The following CD226 variants were observed in gnomAD, a reference collection of about 807,000 sequenced individuals.
The protein encoded by CD226 is CD226 molecule.
Under a neutral mutation model 34.9 loss-of-function variants are expected in CD226, and 24 were observed. That is an observed-to-expected ratio of 0.69 (90% CI 0.50 to 0.97). CD226 has a LOEUF of 0.97. Among genes scored for constraint, CD226 ranks in the 50% least tolerant of loss-of-function variants. The probability of loss-of-function intolerance (pLI) is 0.00; values close to 1 mark genes in which losing one functional copy is unlikely to be tolerated. For synonymous variants in CD226, 148 were observed against 147.4 expected (o/e 1.00, Z -0.03); for missense variants, 397 against 412.7 (o/e 0.96, Z 0.33).
intron 3 of CD226, among the ~76,000 whole-genome samples, chr18:69,879,475 C>T (rs527632205): frequency 6.6e-5 from 10 of 152,140 alleles, no homozygotes; most frequent in South Asian, 2.1e-4. Context: ...TACCCATTTT[C>T]GATAATAAGA....
chr18:69,911,138 T>C (rs1472824631), intron 2 of CD226, among the ~76,000 whole-genome samples: 1 of 152,216 alleles, frequency 6.6e-6, no homozygotes, highest in African/African-American at 2.4e-5. Context: ...AGTATAAATT[T>C]CTCTGTCTTC....
chr18:69,860,096 T>C lies in CD226; in HGVS notation c.*4218A>G, dbSNP rs562265156. On this transcript the variant is annotated 3_prime_UTR_variant, in exon 6 of 6. Coordinates refer to ENST00000582621, the MANE Select transcript of CD226 (RefSeq NM_001303618.2). ...TCAAAAAAATAATAATAAAATAAAA[T>C]ACAAAGAACATTGCATTGAGATAAA... The C allele has an allele frequency of 2.6e-5, 4 of 152,232 alleles. No homozygotes were observed. The South Asian group carries it at 8.3e-4, about 32-fold the overall frequency. The allele number at this position is 152,232 out of a possible 1,614,324, so 9.4% of individuals were successfully genotyped here. A position where few individuals can be genotyped will look rare whatever the true frequency, so the allele number is the denominator to read the frequency against.
chr18:69,958,694 A>T (rs1224291028), upstream of CD226, among the ~76,000 whole-genome samples: 1 of 151,206 alleles, frequency 6.6e-6, no homozygotes, highest in Non-Finnish European at 1.5e-5. Flanking sequence ...TCTTTTGCTT[A>T]CTCCCTGACT....
intron 4 of CD226, among the ~76,000 whole-genome samples, chr18:69,870,262 T>A (rs1983430559): frequency 6.7e-6 from 1 of 150,324 alleles, no homozygotes; most frequent in Non-Finnish European, 1.5e-5. Context: ...AGAACACAGT[T>A]TGGCTCCCCC....
intron 2 of CD226, among the ~76,000 whole-genome samples, chr18:69,941,830 CA>C (rs1291785928): frequency 6.6e-6 from 1 of 152,014 alleles, no homozygotes; most frequent in Non-Finnish European, 1.5e-5. Context: ...TCAGAGGGGC[CA>C]GGGGCAAAAT....
intron 2 of CD226, among the ~76,000 whole-genome samples, chr18:69,928,844 C>G (rs1283099731): frequency 6.6e-6 from 1 of 152,070 alleles, no homozygotes; most frequent in Non-Finnish European, 1.5e-5. Context: ...AAGGCACAAG[C>G]AAAAATATCT....
At position 69,887,401 on chromosome 18, in the gene CD226, A is replaced by G. The variant is rs529747082; in HGVS notation, c.727+8300T>C. On this transcript the variant is annotated intron_variant, in intron 3 of 5. Transcript: ENST00000582621. ...CCACATAAGATGTGAAAAACTGAAG[A>G]CACAGTGACATCAGGATAACTATAC... Among the ~76,000 whole-genome samples, 3 of 152,326 alleles carry G rather than the reference A, an allele frequency of 2.0e-5. No individual in the cohort carries two copies. The East Asian group carries it at 5.8e-4, about 29-fold the overall frequency.
rs117051749 is a variant in CD226, at chr18:69,925,619, A to T, written c.382+21115T>A. On this transcript the variant is annotated intron_variant, in intron 2 of 5. Transcript: ENST00000582621. ...ATCCCGTCAACTCTACCTTTTAAAC[A>T]TCTCTCAAACATGGACCCTACACTC... Among the ~76,000 whole-genome samples, 469 of 152,060 alleles carry T rather than the reference A, an allele frequency of 3.1e-3. 4 individuals carry two copies. Among genetic ancestry groups the T allele is most frequent in the Admixed American group, 6.2e-3 (94 of 15,284 alleles).
intron 3 of CD226, among the ~76,000 whole-genome samples, chr18:69,874,203 G>A (rs72955835): frequency 0.027 from 4,137 of 152,248 alleles, 93 homozygotes; most frequent in Non-Finnish European, 0.035. Context: ...TTACATCACA[G>A]AATTGTGATG....
chr18:69,955,600 G>A (rs972432578), intron 1 of CD226, among the ~76,000 whole-genome samples: 6 of 152,130 alleles, frequency 3.9e-5, no homozygotes, highest in African/African-American at 1.4e-4. Flanking sequence ...GGGTGCGGTG[G>A]CTCACGCCTG....
chr18:69,912,607 G>C (rs1303927195), intron 2 of CD226, among the ~76,000 whole-genome samples: 1 of 152,170 alleles, frequency 6.6e-6, no homozygotes, highest in African/African-American at 2.4e-5. Flanking sequence ...GATTTGCTCA[G>C]GGATTTGGCT....
At chr18:69,952,333 A>T (rs964975578), upstream of CD226, among the ~76,000 whole-genome samples, 20 of 152,358 alleles carry the variant, frequency 1.3e-4, no homozygotes, top group Non-Finnish European at 2.5e-4. Flanking sequence ...AACATATATT[A>T]TTCAGGTGAT....
chr18:69,923,523 G>A (rs1464609632), intron 2 of CD226, among the ~76,000 whole-genome samples: 1 of 152,114 alleles, frequency 6.6e-6, no homozygotes, highest in African/African-American at 2.4e-5. Flanking sequence ...TCTGAGAACT[G>A]ACCAATGGAA....
chr18:69,903,466 T>C (rs774260034), intron 2 of CD226, among the ~76,000 whole-genome samples: 1 of 152,136 alleles, frequency 6.6e-6, no homozygotes, highest in Admixed American at 6.5e-5. Flanking sequence ...AGTTTGGGGA[T>C]GTTACAGGTG....
At chr18:69,884,455 T>C (rs1042163528) in intron 3 of CD226, among the ~76,000 whole-genome samples, 25 of 152,232 alleles carry the variant, frequency 1.6e-4, no homozygotes, top group Non-Finnish European at 1.3e-4. Context: ...TTTAGAAAAC[T>C]TGTAATTGGC....
chr18:69,958,020 T>G (rs926587653), upstream of CD226, among the ~76,000 whole-genome samples: 11 of 152,192 alleles, frequency 7.2e-5, no homozygotes, highest in African/African-American at 2.4e-4. Context: ...GGGCAGGGCC[T>G]TTGCACGTGG....
intron 2 of CD226, among the ~76,000 whole-genome samples, chr18:69,932,053 A>C (rs11659873): frequency 0.77 from 117,402 of 152,164 alleles, 52,134 homozygotes; most frequent in East Asian, 1. Flanking sequence ...ATATTGGATT[A>C]GATCCCACCC....
Position 69,954,350 on chromosome 18 carries a change from G to T in CD226, c.-28+2405C>A, listed in dbSNP as rs1338673053. 3.3e-5 allele frequency among the ~76,000 whole-genome samples: 5 copies of T among 152,336 alleles called. 1 individual carries two copies. In the South Asian group the frequency reaches 1.0e-3, roughly 32 times the overall value. On this transcript the variant is annotated intron_variant, in intron 1 of 6. Coordinates refer to the CD226 transcript ENST00000280200. The stretch of plus-strand genomic sequence containing the variant: ...AAGATCATGATAGTCGAGGTTGTCA[G>T]ATAAATGATTTAAGATATTTTTAAA...
Position 69,861,422 on chromosome 18 carries a change from T to C in CD226, c.*2892A>G, listed in dbSNP as rs1982808196. 1 of 151,070 alleles carries C rather than the reference T, an allele frequency of 6.6e-6. No individual in the cohort carries two copies. Among genetic ancestry groups the C allele is most frequent in the African/African-American group, 2.4e-5 (1 of 41,298 alleles). The allele number at this position is 151,070 out of a possible 1,614,324, so 9.4% of individuals were successfully genotyped here. On this transcript the variant is annotated 3_prime_UTR_variant, in exon 6 of 6. Transcript: ENST00000582621. ...CAAAACTGTGTACTCCATTAACAAG[T>C]CTTCCTATCTTATTATAACAAAGTA... is the stretch of plus-strand genomic sequence containing the variant.
Sources: gnomAD v4.1 joint callset for allele counts (sites outside exome capture counted in the v4.1 genomes callset) on GRCh38, gnomAD v4.1.1 for gene constraint, MANE v1.5 for transcripts, NCBI Gene and HGNC (gene_info 2026-07-23, HGNC 2026-07-21) for gene names.